TFB1M: variants seen among roughly 807,000 people sequenced by gnomAD.
The protein encoded by TFB1M is transcription factor B1, mitochondrial.
TFB1M carries 27 observed loss-of-function variants against 31.1 expected under a neutral mutation model. That is an observed-to-expected ratio of 0.87 (90% CI 0.64 to 1.20). The LOEUF is 1.20. TFB1M is among the 50% of genes most tolerant of loss of function. The pLI, the probability that TFB1M is intolerant of heterozygous loss-of-function variation, is 0.00. For synonymous variants in TFB1M, 166 were observed against 151.8 expected, an observed-to-expected ratio of 1.09 and a Z score of -0.69; for missense variants, 394 against 418.7, an observed-to-expected ratio of 0.94 and a Z score of 0.51.
chr6:155,269,922 A>T (rs1182945223), intron 5 of TFB1M, among the ~76,000 whole-genome samples: 1 of 152,230 alleles, frequency 6.6e-6, no homozygotes, highest in Non-Finnish European at 1.5e-5. Flanking sequence ...CCAGGCACTG[A>T]TCCTGGCACA....
downstream of TFB1M, chr6:155,254,112 T>C (rs375530292): frequency 6.4e-7 from 1 of 1,557,674 alleles, no homozygotes. Flanking sequence ...TAGAATTATG[T>C]CTCTTAAGGG....
At chr6:155,240,515 C>G in the TFB1M span, 1 of 1,594,102 alleles carries the variant, frequency 6.3e-7, no homozygotes, top group East Asian at 2.2e-5. Flanking sequence ...TTTTCCACCT[C>G]TTGTCCTCTC....
At chr6:155,243,979 C>T in the TFB1M span, 4 of 1,589,200 alleles carry the variant, frequency 2.5e-6, no homozygotes, top group Middle Eastern at 1.7e-4. Context: ...GAGACTAAAG[C>T]GTTGAAGACA....
chr6:155,277,212 C>T (rs1785267041), intron 5 of TFB1M, among the ~76,000 whole-genome samples: 1 of 152,216 alleles, frequency 6.6e-6, no homozygotes, highest in South Asian at 2.1e-4. Flanking sequence ...CATCCCACTT[C>T]CTCTCTCATT....
intron 5 of TFB1M, chr6:155,276,482 A>ATTTTACATTCTACTTTCTTT: frequency 9.4e-7 from 1 of 1,060,948 alleles, no homozygotes; most frequent in Non-Finnish European, 1.4e-6. Context: ...CAAAGAAAGT[A>ATTTTACATTCTACTTTCTTT]GAATGTAAAA....
At chr6:155,275,529 G>A (rs1362230730) in intron 5 of TFB1M, 2 of 594,302 alleles carry the variant, frequency 3.4e-6, no homozygotes, top group Non-Finnish European at 6.0e-6. Flanking sequence ...GGGATACTCA[G>A]ATGTGTTCTT....
At chr6:155,307,959 C>T (rs773403375) in intron 2 of TFB1M, among the ~76,000 whole-genome samples, 6 of 150,936 alleles carry the variant, frequency 4.0e-5, no homozygotes, top group African/African-American at 7.3e-5. Context: ...TGAAAGGGTA[C>T]GAGTGATTTA....
chr6:155,256,024 G>C (rs1005435184), downstream of TFB1M: 2 of 195,962 alleles, frequency 1.0e-5, 1 homozygote, highest in South Asian at 1.5e-4. Flanking sequence ...AAAAAAGGGG[G>C]GGGGAGGGGC....
intron 2 of TFB1M, among the ~76,000 whole-genome samples, chr6:155,305,695 ATATAAATATATATTAAATTATATATT>A: frequency 1.7e-5 from 1 of 60,416 alleles, no homozygotes; most frequent in Admixed American, 3.2e-4. Flanking sequence ...ATATATTTAT[ATATAAATATATATTAAATTATATATT>A]TATATATATA....
the TFB1M span, chr6:155,243,884 C>G: frequency 3.6e-6 from 1 of 275,240 alleles, no homozygotes; most frequent in South Asian, 4.5e-5. Flanking sequence ...AAAAGAATTT[C>G]AACAAGGCAT....
chr6:155,245,886 G>A, the TFB1M span, among the ~76,000 whole-genome samples: 3 of 151,540 alleles, frequency 2.0e-5, no homozygotes, highest in Admixed American at 1.3e-4. Flanking sequence ...TAAAGGGAAA[G>A]GTTTCTGTTT....
chr6:155,260,026 G>A (rs962220948), intron 6 of TFB1M, among the ~76,000 whole-genome samples: 3 of 152,214 alleles, frequency 2.0e-5, no homozygotes, highest in African/African-American at 7.2e-5. Context: ...CTGGTACAGA[G>A]CCTCTGTGAG....
chr6:155,239,125 G>T, the TFB1M span, among the ~76,000 whole-genome samples: 1 of 152,194 alleles, frequency 6.6e-6, no homozygotes, highest in Non-Finnish European at 1.5e-5. Flanking sequence ...GAAAGAAAAT[G>T]AATTATGTGA....
intron 2 of TFB1M, among the ~76,000 whole-genome samples, chr6:155,309,793 A>C (rs1435583251): frequency 6.6e-6 from 1 of 152,188 alleles, no homozygotes; most frequent in African/African-American, 2.4e-5. Flanking sequence ...AAATAATAAT[A>C]TTCCCACGTC....
Position 155,299,661 on chromosome 6 carries a change from T to C in TFB1M, c.286-1076A>G, listed in dbSNP as rs538921200. 6 of 152,286 alleles carry C rather than the reference T, an allele frequency of 3.9e-5. 1 individual carries two copies. The highest frequency in any genetic ancestry group is 9.6e-5 in the African/African-American group (4 of 41,556). The allele number at this position is 152,286 out of a possible 1,614,324, so 9.4% of individuals were successfully genotyped here. On this transcript the variant is annotated intron_variant, in intron 2 of 6. Coordinates refer to ENST00000367166, the MANE Select transcript of TFB1M (RefSeq NM_016020.4). ...ATTCTAGAATGTGCCCAGCACTTTA[T>C]AGGGATGGTGAACAGGCTCAAAGGG... is the stretch of plus-strand genomic sequence containing the variant.
chr6:155,269,912 C>T (rs1013027911), intron 5 of TFB1M, among the ~76,000 whole-genome samples: 1 of 152,206 alleles, frequency 6.6e-6, no homozygotes, highest in African/African-American at 2.4e-5. Context: ...CTACTATGTG[C>T]CAGGCACTGA....
intron 6 of TFB1M, 85 bp downstream of exon 6, chr6:155,260,188 A>T (rs1784327492): frequency 3.5e-6 from 5 of 1,434,378 alleles, no homozygotes; most frequent in Non-Finnish European, 4.9e-6. Flanking sequence ...AGCTTTAAGA[A>T]TAGAGCAAAC....
At chr6:155,291,710 G>C (rs1776933704) in intron 4 of TFB1M, among the ~76,000 whole-genome samples, 1 of 152,108 alleles carries the variant, frequency 6.6e-6, no homozygotes, top group Non-Finnish European at 1.5e-5. Context: ...CTATCCACTA[G>C]AGACCAGAGC....
At chr6:155,247,270 C>T in the TFB1M span, among the ~76,000 whole-genome samples, 1 of 152,186 alleles carries the variant, frequency 6.6e-6, no homozygotes, top group Non-Finnish European at 1.5e-5. Context: ...GGTTTATTTT[C>T]CTTTATGAAA....
Sources: gnomAD v4.1 joint callset for allele counts (sites outside exome capture counted in the v4.1 genomes callset) on GRCh38, gnomAD v4.1.1 for gene constraint, MANE v1.5 for transcripts, NCBI Gene and HGNC (gene_info 2026-07-23, HGNC 2026-07-21) for gene names.